COLQ: variants seen among roughly 807,000 people sequenced by gnomAD.
COLQ encodes the protein acetylcholinesterase collagenic tail peptide.
A neutral mutation model predicts 69.0 loss-of-function variants in COLQ; 48 were observed. The ratio of observed to expected loss-of-function variants is 0.70; its 90% CI spans 0.55 to 0.88. The LOEUF (loss-of-function observed/expected upper bound fraction) is 0.88. Ranked by LOEUF, COLQ falls within the 40% of genes least tolerant of loss-of-function variation. COLQ has a pLI of 0.00. For synonymous variants in COLQ, 217 were observed against 211.2 expected (o/e 1.03, Z -0.24); for missense variants, 618 against 594.6 (o/e 1.04, Z -0.41).
At chr3:15,464,997 A>C (rs1018677492) in intron 12 of COLQ, among the ~76,000 whole-genome samples, 1 of 152,084 alleles carries the variant, frequency 6.6e-6, no homozygotes. Flanking sequence ...AAAATGGTGA[A>C]ACCCCATCTC....
At position 15,455,941 on chromosome 3, in the gene COLQ, C is replaced by G. The variant is rs140955551; in HGVS notation, c.1153G>C (p.Glu385Gln). The G allele has an allele frequency of 3.7e-6, 6 of 1,614,184 alleles. No homozygotes were observed. In the African/African-American group the frequency reaches 8.0e-5, roughly 22 times the overall value. ...CGDGLLQPGE[E>Q]CDDGNSDVGD... Reference sequence around the variant, plus strand: ...ACATCGCTGTTACCGTCGTCACACTCCTCCCCAGGCTGCAGGAGCCCATCC... The same window carrying G: ...ACATCGCTGTTACCGTCGTCACACTGCTCCCCAGGCTGCAGGAGCCCATCC... Residue 385 changes from glutamate to glutamine, a missense_variant, in exon 15 of 17, where the codon GAG (glutamate) becomes CAG (glutamine). Transcript: ENST00000383788.
intron 12 of COLQ, among the ~76,000 whole-genome samples, chr3:15,463,473 T>C (rs1559514913): frequency 6.6e-6 from 1 of 151,718 alleles, no homozygotes; most frequent in South Asian, 2.1e-4. Flanking sequence ...CAGCCTCCCA[T>C]GTAGCTGGGA....
At chr3:15,474,857 C>A in intron 8 of COLQ, 68 bp downstream of exon 8, 1 of 1,567,656 alleles carries the variant, frequency 6.4e-7, no homozygotes, top group Non-Finnish European at 8.8e-7. Flanking sequence ...CCATTCTCTG[C>A]ATGTCTCTGA....
At chr3:15,459,446 A>C (rs1402782336) in intron 12 of COLQ, among the ~76,000 whole-genome samples, 1 of 152,018 alleles carries the variant, frequency 6.6e-6, no homozygotes, top group East Asian at 1.9e-4. Context: ...TTTATTAAAA[A>C]AAATTTTTTT....
intron 3 of COLQ, among the ~76,000 whole-genome samples, chr3:15,487,930 A>T (rs961387869): frequency 1.1e-4 from 17 of 152,198 alleles, no homozygotes; most frequent in African/African-American, 3.6e-4. Context: ...CCATATCCAT[A>T]GAGGTGGCAT....
At chr3:15,513,740 G>A (rs2063019122) in intron 1 of COLQ, among the ~76,000 whole-genome samples, 1 of 152,188 alleles carries the variant, frequency 6.6e-6, no homozygotes, top group Non-Finnish European at 1.5e-5. Flanking sequence ...CTTTGATTCT[G>A]ATGTCACTTT....
At chr3:15,456,428 G>A in intron 14 of COLQ, 32 bp downstream of exon 14, 1 of 1,613,258 alleles carries the variant, frequency 6.2e-7, no homozygotes, top group South Asian at 1.1e-5. Context: ...CCTGGGCAGG[G>A]AGTATGTCCT....
intron 12 of COLQ, among the ~76,000 whole-genome samples, chr3:15,461,998 CTTAT>C (rs71045162): frequency 0.04 from 5,576 of 137,900 alleles, 117 homozygotes; most frequent in African/African-American, 0.06. Flanking sequence ...ACAGGGATAA[CTTAT>C]TTATTTATTT....
At chr3:15,509,798 G>T (rs1277013588) in intron 1 of COLQ, among the ~76,000 whole-genome samples, 1 of 152,214 alleles carries the variant, frequency 6.6e-6, no homozygotes, top group African/African-American at 2.4e-5. Context: ...TCCATAGCCT[G>T]TGCACTGGGA....
At chr3:15,506,301 GA>G (rs2062910111) in intron 1 of COLQ, among the ~76,000 whole-genome samples, 1 of 152,196 alleles carries the variant, frequency 6.6e-6, no homozygotes, top group Non-Finnish European at 1.5e-5. Context: ...TTGTGCTCCA[GA>G]TGAAAGGTAG....
At chr3:15,479,308 A>G (rs544708618) in intron 4 of COLQ, 30 bp downstream of exon 4, 2 of 1,612,064 alleles carry the variant, frequency 1.2e-6, no homozygotes, top group South Asian at 1.1e-5. Context: ...TGCCAAGGAA[A>G]GAAGGGTTGA....
intron 7 of COLQ, 173 bp from the exon 8 acceptor site, chr3:15,475,124 A>G: frequency 2.7e-6 from 2 of 753,346 alleles, no homozygotes; most frequent in Non-Finnish European, 4.6e-6. Flanking sequence ...TTGTGGTTAT[A>G]CCAGGCCTAA....
chr3:15,516,180 C>T (rs986928518), intron 1 of COLQ, among the ~76,000 whole-genome samples: 5 of 152,106 alleles, frequency 3.3e-5, no homozygotes, highest in Admixed American at 6.5e-5. Context: ...AAATATGGGG[C>T]GGTAAATCAG....
Position 15,456,564 on chromosome 3 carries a change from T to G in COLQ, c.970A>C (p.Asn324His), listed in dbSNP as rs201036462. 1 of 1,614,132 alleles carries G rather than the reference T, an allele frequency of 6.2e-7. No individual in the cohort carries two copies. The highest frequency in any genetic ancestry group is 8.5e-7 in the Non-Finnish European group (1 of 1,180,030). ...PRVPVIFVVN[N>H]QEELERLNTQ... ...TTCAGCCTCTCAAGCTCCTCCTGGT[T>G]GTTGACCACAAAAATCTGCCAGAGA... is the stretch of plus-strand genomic sequence containing the variant. Residue 324 changes from asparagine to histidine, a missense_variant, in exon 14 of 17, where the codon AAC becomes CAC. Coordinates refer to ENST00000383788, the MANE Select transcript of COLQ (RefSeq NM_005677.4).
intron 1 of COLQ, chr3:15,499,013 A>ATGAT: frequency 1.9e-6 from 2 of 1,055,716 alleles, no homozygotes; most frequent in Non-Finnish European, 2.3e-6. Flanking sequence ...GGTAAGCCTC[A>ATGAT]AAGTCAACCC....
chr3:15,521,246 C>T (rs2063132885), intron 1 of COLQ, among the ~76,000 whole-genome samples: 1 of 152,220 alleles, frequency 6.6e-6, no homozygotes, highest in African/African-American at 2.4e-5. Flanking sequence ...AAGATGAAAT[C>T]ATGCAGCAAA....
intron 1 of COLQ, among the ~76,000 whole-genome samples, chr3:15,497,186 G>A (rs911898505): frequency 6.6e-6 from 1 of 152,038 alleles, no homozygotes; most frequent in African/African-American, 2.4e-5. Flanking sequence ...TGGGATTACA[G>A]GCGAGTGCCA....
intron 12 of COLQ, among the ~76,000 whole-genome samples, chr3:15,458,745 T>A (rs1253982258): frequency 6.6e-6 from 1 of 152,246 alleles, no homozygotes; most frequent in African/African-American, 2.4e-5. Flanking sequence ...AATGTCTTAT[T>A]TGTTTAGACC....
At chr3:15,466,789 G>C (rs2062206869) in intron 11 of COLQ, among the ~76,000 whole-genome samples, 1 of 152,152 alleles carries the variant, frequency 6.6e-6, no homozygotes, top group African/African-American at 2.4e-5. Context: ...TAAAGACTTA[G>C]CTCTTTACTG....
Sources: allele counts gnomAD v4.1 joint callset (sites outside exome capture counted in the v4.1 genomes callset), GRCh38; gene constraint gnomAD v4.1.1; transcripts MANE v1.5; gene names NCBI Gene and HGNC (gene_info 2026-07-23, HGNC 2026-07-21).